The following PCDHGB6 variants were observed in gnomAD, a reference collection of about 807,000 sequenced individuals.
PCDHGB6 encodes protocadherin gamma-B6.
In PCDHGB6, 51 loss-of-function variants were observed where a neutral mutation model predicts 59.1. That is an observed-to-expected ratio of 0.86 (90% CI 0.69 to 1.09). The LOEUF is 1.09. Ranked by LOEUF, PCDHGB6 falls within the 50% of genes least tolerant of loss-of-function variation. PCDHGB6 has a pLI of 0.00. For missense variants in PCDHGB6, 1,148 were observed against 1,205.1 expected, an observed-to-expected ratio of 0.95 and a Z score of 0.70; for synonymous variants, 466 against 495.1, an observed-to-expected ratio of 0.94 and a Z score of 0.78.
chr5:141,491,549 A>T lies in PCDHGB6; in HGVS notation c.2419-3258A>T, dbSNP rs748281587. 18 of 1,613,860 alleles carry T rather than the reference A, an allele frequency of 1.1e-5. No homozygotes were observed. In the East Asian group the frequency reaches 3.8e-4, roughly 34 times the overall value. On this transcript the variant is annotated intron_variant, in intron 1 of 3. Coordinates refer to ENST00000520790, the MANE Select transcript of PCDHGB6 (RefSeq NM_018926.3). This position sits in a 1 kb window ranked among gnomAD's most constrained non-coding sequence, Gnocchi z 6.9. Reference sequence around the variant, plus strand: ...GTGACGCTGCGGCCCACAGACTCGCAGAGCCACTGCTACAGGACGTGCTTT... The same window carrying T: ...GTGACGCTGCGGCCCACAGACTCGCTGAGCCACTGCTACAGGACGTGCTTT...
At chr5:141,419,741 A>G (rs769795920) in intron 1 of PCDHGB6, 1 of 1,613,856 alleles carries the variant, frequency 6.2e-7, no homozygotes. Context: ...CGAGGTGCGC[A>G]TGGTGCGTGC....
At position 141,486,364 on chromosome 5, in the gene PCDHGB6, C is replaced by T; in HGVS notation, c.2419-8443C>T. 1 of 1,614,068 alleles carries T rather than the reference C, an allele frequency of 6.2e-7. No homozygotes were observed. The highest frequency in any genetic ancestry group is 1.1e-5 in the South Asian group (1 of 91,074). On this transcript the variant is annotated intron_variant, in intron 1 of 3. Transcript: ENST00000520790. The surrounding 1 kb of genome is among the most constrained non-coding windows in gnomAD (Gnocchi z 5.0). ...TTCCTGACCACTTGCCATTTGCCCT[C>T]AAGTCTGCCTTCAGGAACCAGTTCT...
chr5:141,428,227 A>T (rs2154552643), intron 1 of PCDHGB6: 1 of 1,100,784 alleles, frequency 9.1e-7, no homozygotes, highest in Admixed American at 1.9e-5. Context: ...CTTCGCAGAC[A>T]GCCTGCAGGA....
intron 1 of PCDHGB6, among the ~76,000 whole-genome samples, chr5:141,452,316 T>C (rs2098738639): frequency 6.6e-6 from 1 of 152,208 alleles, no homozygotes; most frequent in Non-Finnish European, 1.5e-5. Flanking sequence ...ACTCATACTT[T>C]CCTTGTTCCA....
rs70988802 is a variant in PCDHGB6 at position 141,450,006 on chromosome 5, C to CTA, written c.2418+39387_2418+39388insAT. ...CACATTGCATTTAGTTGCCATGTCT[C>CTA]TTTTTTTTTTTTTTTTTTGAGACAG... On this transcript the variant is annotated intron_variant, in intron 1 of 3. Coordinates refer to ENST00000520790, the MANE Select transcript of PCDHGB6 (RefSeq NM_018926.3). Among the ~76,000 whole-genome samples the CTA allele has an allele frequency of 6.0e-5, 8 of 132,986 alleles. 1 individual carries two copies. The highest frequency in any genetic ancestry group is 9.5e-5 in the Non-Finnish European group (6 of 62,926). The allele number at this position is 132,986 out of a possible 152,430, so 87.2% of individuals were successfully genotyped here. A position where few individuals can be genotyped will look rare whatever the true frequency, so the allele number is the denominator to read the frequency against.
chr5:141,437,648 A>G (rs1291089695), intron 1 of PCDHGB6, among the ~76,000 whole-genome samples: 2 of 152,204 alleles, frequency 1.3e-5, no homozygotes, highest in African/African-American at 4.8e-5. Context: ...AGAAAAGCAA[A>G]CACATAGTTT....
chr5:141,486,598 C>T lies in PCDHGB6; in HGVS notation c.2419-8209C>T. 2 of 1,613,604 alleles carry T rather than the reference C, an allele frequency of 1.2e-6. No homozygotes were observed. Among genetic ancestry groups the T allele is most frequent in the Non-Finnish European group, 1.7e-6 (2 of 1,179,998 alleles). ...ACAATCGCCCAGGGGACCTGCTTTG[C>T]TCCCTTGCAGCCTCTGACCCAGACT... On this transcript the variant is annotated intron_variant, in intron 1 of 3. Transcript: ENST00000520790. The surrounding 1 kb of genome is among the most constrained non-coding windows in gnomAD (Gnocchi z 5.0).
intron 1 of PCDHGB6, chr5:141,422,466 G>T: frequency 1.2e-6 from 2 of 1,613,528 alleles, no homozygotes; most frequent in Non-Finnish European, 1.7e-6. Flanking sequence ...TGCTGGACAG[G>T]GAGTTGGTCC....
chr5:141,466,039 A>G (rs926979550), intron 1 of PCDHGB6, among the ~76,000 whole-genome samples: 1 of 152,122 alleles, frequency 6.6e-6, no homozygotes, highest in Non-Finnish European at 1.5e-5. Context: ...GGAGAACGGC[A>G]TGAACCCAGG....
intron 1 of PCDHGB6, among the ~76,000 whole-genome samples, chr5:141,437,411 T>C (rs1014219268): frequency 1.1e-4 from 17 of 152,222 alleles, no homozygotes; most frequent in African/African-American, 4.1e-4. Flanking sequence ...TCCAGAAGTA[T>C]TATGCTTTTT....
At chr5:141,464,415 C>A (rs1185416197) in intron 1 of PCDHGB6, among the ~76,000 whole-genome samples, 2 of 150,854 alleles carry the variant, frequency 1.3e-5, no homozygotes, top group Admixed American at 6.6e-5. Context: ...ATATATATAT[C>A]TATATATATA....
intron 1 of PCDHGB6, among the ~76,000 whole-genome samples, chr5:141,434,742 G>A (rs1177333213): frequency 6.6e-6 from 1 of 151,500 alleles, no homozygotes; most frequent in Non-Finnish European, 1.5e-5. Context: ...TGAAGGCTAT[G>A]AGACCCCTGA....
chr5:141,501,296 C>T (rs4912760), intron 2 of PCDHGB6, among the ~76,000 whole-genome samples: 1,659 of 80,026 alleles, frequency 0.021, 16 homozygotes, highest in African/African-American at 0.042. Flanking sequence ...CTTATACACA[C>T]ACACACACAC....
At position 141,432,818 on chromosome 5, in the gene PCDHGB6, T is replaced by C. The variant is rs370597280; in HGVS notation, c.2418+22198T>C. On this transcript the variant is annotated intron_variant, in intron 1 of 3. Transcript: ENST00000520790. This position sits in a 1 kb window ranked among gnomAD's most constrained non-coding sequence, Gnocchi z 6.0. The stretch of plus-strand genomic sequence containing the variant: ...CGAGTCTCCAGCTAACTCTGAAACC[T>C]CAGACCTCACTCTGTACCTGGTGGT... 9.9e-6 allele frequency: 16 copies of C among 1,614,106 alleles called. No individual in the cohort carries two copies. The highest frequency in any genetic ancestry group is 1.4e-5 in the Non-Finnish European group (16 of 1,179,986).
chr5:141,409,190 C>T lies in PCDHGB6; in HGVS notation c.988C>T (p.Gln330Ter), dbSNP rs868189970. ...EAKDGGGLST[Q>*]CKVIIEILDE... ...GAAGGACGGAGGTGGTCTCTCTACC[C>T]AGTGTAAAGTAATCATAGAAATCCT... The change falls in exon 1 of 4, where the codon CAG becomes TAG. Residue 330 changes from glutamine (Q) to a stop codon, truncating the protein, a stop_gained. Transcript: ENST00000520790. LOFTEE classifies it high-confidence loss of function. The T allele has an allele frequency of 6.2e-7, 1 of 1,613,986 alleles. No individual in the cohort carries two copies. Among genetic ancestry groups the T allele is most frequent in the Non-Finnish European group, 8.5e-7 (1 of 1,179,894 alleles).
chr5:141,413,157 A>T, intron 1 of PCDHGB6: 2 of 1,578,898 alleles, frequency 1.3e-6, no homozygotes, highest in Non-Finnish European at 1.7e-6. Flanking sequence ...ACTTTGCAGA[A>T]TTCTGTAACC....
intron 1 of PCDHGB6, among the ~76,000 whole-genome samples, chr5:141,429,527 T>TA (rs1321273157): frequency 1.3e-5 from 2 of 152,038 alleles, no homozygotes; most frequent in African/African-American, 4.8e-5. Flanking sequence ...GAAAAAAGCT[T>TA]AAAAAAATAA....
chr5:141,414,148 G>A, intron 1 of PCDHGB6: 1 of 1,598,900 alleles, frequency 6.3e-7, no homozygotes, highest in Non-Finnish European at 8.5e-7. Flanking sequence ...AGAAATACAA[G>A]CAGAAGATGG....
intron 1 of PCDHGB6, chr5:141,414,875 T>G: frequency 6.2e-7 from 1 of 1,614,196 alleles, no homozygotes; most frequent in Non-Finnish European, 8.5e-7. Context: ...CCCGAGATCC[T>G]GTACCCCGCC....
Sources: allele counts gnomAD v4.1 joint callset (sites outside exome capture counted in the v4.1 genomes callset), GRCh38; gene constraint gnomAD v4.1.1; non-coding constraint Gnocchi (gnomAD v3.1); transcripts MANE v1.5; gene names NCBI Gene and HGNC (gene_info 2026-07-23, HGNC 2026-07-21).